The following KCNMA1 variants were observed in gnomAD, a reference collection of about 807,000 sequenced individuals.
The protein encoded by KCNMA1 is Calcium-activated potassium channel subunit alpha-1.
A neutral mutation model predicts 140.0 loss-of-function variants in KCNMA1; 29 were observed. That is an observed-to-expected ratio of 0.21 (90% confidence interval 0.15 to 0.28). The LOEUF (loss-of-function observed/expected upper bound fraction) is 0.28, where lower values mean the gene tolerates loss of function less well. KCNMA1 is among the 10% of genes least tolerant of loss of function. The pLI is 1.00. For synonymous variants in KCNMA1, 612 were observed against 611.9 expected (o/e 1.00, Z 0.00); for missense variants, 880 against 1,602.2 (o/e 0.55, Z 7.70).
chr10:77,254,777 T>C (rs1227970756), intron 2 of KCNMA1, among the ~76,000 whole-genome samples: 1 of 152,128 alleles, frequency 6.6e-6, no homozygotes, highest in Non-Finnish European at 1.5e-5. Context: ...CCATTGGGAA[T>C]CCTTTTGCAA....
chr10:77,478,431 A>G (rs990114951), intron 1 of KCNMA1, among the ~76,000 whole-genome samples: 4 of 152,188 alleles, frequency 2.6e-5, no homozygotes, highest in Non-Finnish European at 5.9e-5. Flanking sequence ...CCAAACACAA[A>G]CAGCCCTAGT....
intron 14 of KCNMA1, among the ~76,000 whole-genome samples, chr10:77,060,424 T>C (rs2095697189): frequency 6.6e-6 from 1 of 152,244 alleles, no homozygotes; most frequent in Non-Finnish European, 1.5e-5. Flanking sequence ...CCTTTTGGAA[T>C]GGCACTGTCT....
chr10:77,146,815 C>T (rs1188401128), intron 5 of KCNMA1, among the ~76,000 whole-genome samples: 1 of 151,644 alleles, frequency 6.6e-6, no homozygotes, highest in African/African-American at 2.4e-5. Flanking sequence ...TTTTAAAATG[C>T]CTTTCACACA....
At chr10:76,897,488 C>T (rs2043101602) in intron 25 of KCNMA1, among the ~76,000 whole-genome samples, 1 of 151,852 alleles carries the variant, frequency 6.6e-6, no homozygotes, top group South Asian at 2.1e-4. Flanking sequence ...CACATTTGTT[C>T]CAAAAATTCT....
chr10:76,891,776 G>T, intron 25 of KCNMA1, 57 bp from the exon 26 acceptor site: 1 of 1,392,786 alleles, frequency 7.2e-7, no homozygotes, highest in Non-Finnish European at 1.0e-6. Flanking sequence ...CTAAAGTCAT[G>T]ACAGCCGACA....
chr10:77,140,848 T>C (rs566508575), intron 5 of KCNMA1: 1 of 152,252 alleles, frequency 6.6e-6, no homozygotes, highest in Non-Finnish European at 1.5e-5. Flanking sequence ...GAAATAACCA[T>C]GTAAGCTCCT....
intron 23 of KCNMA1, among the ~76,000 whole-genome samples, chr10:76,922,398 G>T (rs989747989): frequency 6.6e-6 from 1 of 152,150 alleles, no homozygotes; most frequent in African/African-American, 2.4e-5. Flanking sequence ...TGTTGGGGGT[G>T]CAGGGAAGAA....
intron 19 of KCNMA1, chr10:76,980,376 T>A (rs546942138): frequency 1.3e-5 from 2 of 152,182 alleles, no homozygotes; most frequent in Non-Finnish European, 2.9e-5. Context: ...AGTTACTCCA[T>A]ACCTCAATGT....
At chr10:77,432,392 C>T (rs1284803824) in intron 1 of KCNMA1, among the ~76,000 whole-genome samples, 1 of 152,208 alleles carries the variant, frequency 6.6e-6, no homozygotes, top group Non-Finnish European at 1.5e-5. Flanking sequence ...TCCTGCTTCT[C>T]TTATTTCCCC....
chr10:76,890,935 C>T (rs1174075540), intron 26 of KCNMA1, among the ~76,000 whole-genome samples: 3 of 152,164 alleles, frequency 2.0e-5, no homozygotes, highest in Admixed American at 6.5e-5. Context: ...TTTGTTTGGC[C>T]GGTGGTTCTG....
intron 2 of KCNMA1, among the ~76,000 whole-genome samples, chr10:77,262,643 G>C (rs866746872): frequency 1.1e-4 from 17 of 151,938 alleles, no homozygotes; most frequent in Admixed American, 4.6e-4. Flanking sequence ...GTTAGTGAGA[G>C]ATATGATTGT....
intron 3 of KCNMA1, chr10:77,250,379 T>C (rs1283763846): frequency 1.3e-5 from 2 of 152,296 alleles, no homozygotes; most frequent in African/African-American, 4.8e-5. Flanking sequence ...GTTTCCCAGA[T>C]GCCATCAACT....
At chr10:77,570,710 A>C (rs1258685251) in intron 1 of KCNMA1, among the ~76,000 whole-genome samples, 1 of 151,446 alleles carries the variant, frequency 6.6e-6, no homozygotes, top group Non-Finnish European at 1.5e-5. Flanking sequence ...AACATTGTGC[A>C]CATGTACCCT....
chr10:77,619,946 G>A (rs908815245), intron 1 of KCNMA1, among the ~76,000 whole-genome samples: 3 of 152,144 alleles, frequency 2.0e-5, no homozygotes. Context: ...GGCCATCACT[G>A]GGGCCACCCC....
At chr10:76,917,202 G>A (rs1270148959) in intron 23 of KCNMA1, among the ~76,000 whole-genome samples, 2 of 152,188 alleles carry the variant, frequency 1.3e-5, no homozygotes, top group Non-Finnish European at 2.9e-5. Context: ...CAGTGGATGT[G>A]ACGTTTTTGA....
At chr10:77,244,881 G>A (rs1213947885) in intron 3 of KCNMA1, among the ~76,000 whole-genome samples, 1 of 152,128 alleles carries the variant, frequency 6.6e-6, no homozygotes. Context: ...TCCCTGAGTG[G>A]GCTCGGCTCC....
chr10:77,390,190 C>T (rs1171459781), intron 2 of KCNMA1, among the ~76,000 whole-genome samples: 2 of 152,192 alleles, frequency 1.3e-5, no homozygotes, highest in African/African-American at 4.8e-5. Context: ...ATGCTGAGGC[C>T]TTGGAGAGGG....
At chr10:76,959,586 T>A (rs542354963) in intron 20 of KCNMA1, among the ~76,000 whole-genome samples, 2 of 152,316 alleles carry the variant, frequency 1.3e-5, no homozygotes, top group African/African-American at 4.8e-5. Flanking sequence ...AGTCTTATGG[T>A]TATCATCCTT....
At chr10:77,198,925 G>C (rs1480451213) in intron 3 of KCNMA1, among the ~76,000 whole-genome samples, 2 of 152,118 alleles carry the variant, frequency 1.3e-5, no homozygotes, top group South Asian at 2.1e-4. Context: ...TTCCCTGCGT[G>C]TATGATGGAG....
Sources: gnomAD v4.1 joint callset for allele counts (sites outside exome capture counted in the v4.1 genomes callset) on GRCh38, gnomAD v4.1.1 for gene constraint, MANE v1.5 for transcripts, NCBI Gene and HGNC (gene_info 2026-07-23, HGNC 2026-07-21) for gene names.